The following SYN3 variants were observed in gnomAD, a reference collection of about 807,000 sequenced individuals.
SYN3 encodes synapsin III.
Under a neutral mutation model 65.8 loss-of-function variants are expected in SYN3, and 35 were observed. That is an observed-to-expected ratio of 0.53 (90% confidence interval 0.41 to 0.70). The LOEUF (loss-of-function observed/expected upper bound fraction) is 0.70. Ranked by LOEUF, SYN3 falls within the 30% of genes least tolerant of loss-of-function variation. The probability of loss-of-function intolerance (pLI) is 0.00; values close to 1 mark genes in which losing one functional copy is unlikely to be tolerated. For synonymous variants in SYN3, 270 were observed against 292.9 expected (o/e 0.92, Z 0.80); for missense variants, 680 against 749.0 (o/e 0.91, Z 1.08).
chr22:32,756,421 A>AT (rs1456113886), intron 6 of SYN3, among the ~76,000 whole-genome samples: 1 of 152,246 alleles, frequency 6.6e-6, no homozygotes, highest in Non-Finnish European at 1.5e-5. Flanking sequence ...TTAAAGTATA[A>AT]TAAAAAATAA....
chr22:32,866,704 C>T (rs749439752), intron 5 of SYN3, among the ~76,000 whole-genome samples: 1 of 152,078 alleles, frequency 6.6e-6, no homozygotes, highest in Admixed American at 6.5e-5. Context: ...CATCTAGGAC[C>T]CTTTCCTAAC....
chr22:32,671,764 G>C (rs1601884479), intron 6 of SYN3, among the ~76,000 whole-genome samples: 1 of 113,954 alleles, frequency 8.8e-6, no homozygotes, highest in African/African-American at 3.6e-5. Context: ...CACACACACT[G>C]TCACACAGGT....
At chr22:32,982,914 C>T (rs61499920) in intron 2 of SYN3, among the ~76,000 whole-genome samples, 4,115 of 152,228 alleles carry the variant, frequency 0.027, 190 homozygotes, top group African/African-American at 0.093. Context: ...AACTGAAACC[C>T]AGAGAGACTA....
chr22:32,594,242 G>A (rs61441850), intron 7 of SYN3, among the ~76,000 whole-genome samples: 8,270 of 152,180 alleles, frequency 0.054, 492 homozygotes, highest in African/African-American at 0.15. Context: ...TGTACCGGGT[G>A]CCACTCAGGG....
intron 3 of SYN3, among the ~76,000 whole-genome samples, chr22:32,973,536 G>A (rs763267935): frequency 2.1e-4 from 32 of 152,102 alleles, no homozygotes; most frequent in Non-Finnish European, 3.4e-4. Context: ...CACAGGAGGC[G>A]CCCTACCTAC....
intron 6 of SYN3, among the ~76,000 whole-genome samples, chr22:32,828,934 G>A (rs2047491911): frequency 1.3e-5 from 2 of 152,054 alleles, no homozygotes; most frequent in Non-Finnish European, 2.9e-5. Flanking sequence ...ATGAGGAGGG[G>A]AAAGACAAAA....
At chr22:33,012,828 G>C (rs1288846711) in intron 1 of SYN3, among the ~76,000 whole-genome samples, 1 of 152,260 alleles carries the variant, frequency 6.6e-6, no homozygotes, top group African/African-American at 2.4e-5. Context: ...TCCATGCCAG[G>C]TGGCGTGGGA....
intron 6 of SYN3, among the ~76,000 whole-genome samples, chr22:32,710,755 G>A (rs996543322): frequency 6.6e-6 from 1 of 151,842 alleles, no homozygotes; most frequent in Non-Finnish European, 1.5e-5. Context: ...ATGATTTTAA[G>A]TTTCCTGAGG....
chr22:32,957,837 T>C (rs1035381464), intron 3 of SYN3, among the ~76,000 whole-genome samples: 2 of 152,214 alleles, frequency 1.3e-5, no homozygotes, highest in African/African-American at 4.8e-5. Context: ...CTCATGTTTC[T>C]AAAGGCTGAA....
chr22:33,006,739 G>A lies in SYN3; in HGVS notation c.-77C>T. On this transcript the variant is annotated 5_prime_UTR_variant, in exon 2 of 14. Coordinates refer to ENST00000358763, the MANE Select transcript of SYN3 (RefSeq NM_003490.4). ...GGCCCAGAAGACAGGCTGCTGCCAG[G>A]TACAGGGAGTGGTAGGACTTTAGCC... The A allele has an allele frequency of 7.0e-7, 1 of 1,435,804 alleles. No homozygotes were observed. Among genetic ancestry groups the A allele is most frequent in the Non-Finnish European group, 9.4e-7 (1 of 1,063,094 alleles). The allele number at this position is 1,435,804 out of a possible 1,614,324, so 88.9% of individuals were successfully genotyped here.
intron 7 of SYN3, among the ~76,000 whole-genome samples, chr22:32,578,404 A>T (rs1484934709): frequency 6.6e-6 from 1 of 151,876 alleles, no homozygotes; most frequent in Non-Finnish European, 1.5e-5. Context: ...GCACCACCAC[A>T]CCTGGCATTT....
At chr22:32,702,791 A>G (rs2060827412) in intron 6 of SYN3, among the ~76,000 whole-genome samples, 1 of 152,246 alleles carries the variant, frequency 6.6e-6, no homozygotes, top group South Asian at 2.1e-4. Context: ...TGAATATTGC[A>G]GTTGTTTGAA....
At chr22:33,034,588 G>C (rs901524053) in intron 1 of SYN3, among the ~76,000 whole-genome samples, 2 of 152,072 alleles carry the variant, frequency 1.3e-5, no homozygotes, top group African/African-American at 4.8e-5. Context: ...CCTCTCTCCA[G>C]ACGGGGAGCA....
chr22:32,995,599 A>T (rs1413713908), intron 2 of SYN3, among the ~76,000 whole-genome samples: 3 of 151,956 alleles, frequency 2.0e-5, no homozygotes, highest in African/African-American at 7.3e-5. Context: ...AACCCAATGC[A>T]GTCCTTACAA....
At chr22:32,887,180 C>T (rs2049317033) in intron 4 of SYN3, among the ~76,000 whole-genome samples, 1 of 152,002 alleles carries the variant, frequency 6.6e-6, no homozygotes, top group African/African-American at 2.4e-5. Flanking sequence ...AGTTCAAGAC[C>T]AGCCTGGGCA....
At chr22:32,744,869 C>T (rs5998612) in intron 6 of SYN3, among the ~76,000 whole-genome samples, 12,873 of 152,174 alleles carry the variant, frequency 0.085, 650 homozygotes, top group African/African-American at 0.14. Context: ...ACACAGAGAC[C>T]GGCAGGGAGC....
intron 3 of SYN3, among the ~76,000 whole-genome samples, chr22:32,979,545 C>CA (rs1431590159): frequency 6.6e-6 from 1 of 152,182 alleles, no homozygotes; most frequent in African/African-American, 2.4e-5. Context: ...TCATGCCCCC[C>CA]ATTTTAAAAA....
chr22:32,564,858 CGG>C (rs2146373574), intron 7 of SYN3, among the ~76,000 whole-genome samples: 1 of 139,262 alleles, frequency 7.2e-6, no homozygotes, highest in African/African-American at 2.7e-5. Context: ...ACAGTGCTCC[CGG>C]ACTGCACCCT....
chr22:32,821,500 T>C (rs925079776), intron 6 of SYN3, among the ~76,000 whole-genome samples: 7 of 152,158 alleles, frequency 4.6e-5, no homozygotes, highest in South Asian at 4.1e-4. Flanking sequence ...GGATGGTCCA[T>C]AGAAAGGTGA....
Sources: allele counts gnomAD v4.1 joint callset (sites outside exome capture counted in the v4.1 genomes callset), GRCh38; gene constraint gnomAD v4.1.1; transcripts MANE v1.5; gene names NCBI Gene and HGNC (gene_info 2026-07-23, HGNC 2026-07-21).